Variants in B3GALT1 observed in about 807,000 individuals in gnomAD.
The protein encoded by B3GALT1 is UDP-Gal:betaGlcNAc beta 1,3-galactosyltransferase, polypeptide 1.
A neutral mutation model predicts 23.2 loss-of-function variants in B3GALT1; 10 were observed. That is an observed-to-expected ratio of 0.43 (90% CI 0.27 to 0.73). B3GALT1 has a LOEUF of 0.73. B3GALT1 is among the 30% of genes least tolerant of loss of function. The pLI is 0.21. For synonymous variants in B3GALT1, 156 were observed against 141.5 expected, an observed-to-expected ratio of 1.10 and a Z score of -0.73; for missense variants, 299 against 405.4, an observed-to-expected ratio of 0.74 and a Z score of 2.25.
At chr2:167,405,084 G>A (rs1017966438) in intron 1 of B3GALT1, among the ~76,000 whole-genome samples, 99 of 152,232 alleles carry the variant, frequency 6.5e-4, no homozygotes, top group African/African-American at 2.1e-3. Context: ...TTGAGTTACT[G>A]CCCTTAAGGA....
At chr2:167,659,938 T>G (rs1191259816) in intron 3 of B3GALT1, among the ~76,000 whole-genome samples, 1 of 152,076 alleles carries the variant, frequency 6.6e-6, no homozygotes, top group Non-Finnish European at 1.5e-5. Context: ...AACTGATTCG[T>G]ATTCAATTCA....
intron 3 of B3GALT1, chr2:167,814,673 G>A (rs1688957973): frequency 6.6e-6 from 1 of 152,328 alleles, no homozygotes; most frequent in South Asian, 2.1e-4. Flanking sequence ...TAGAAGAATT[G>A]CTTGGACGCG....
intron 3 of B3GALT1, among the ~76,000 whole-genome samples, chr2:167,722,750 G>C (rs191693016): frequency 6.6e-6 from 1 of 152,194 alleles, no homozygotes; most frequent in African/African-American, 2.4e-5. Context: ...GTTTAGAATT[G>C]GACAAAAATC....
chr2:167,771,361 G>A (rs1265559329), intron 3 of B3GALT1, among the ~76,000 whole-genome samples: 2 of 152,104 alleles, frequency 1.3e-5, no homozygotes, highest in African/African-American at 2.4e-5. Flanking sequence ...AGGCCGAGGC[G>A]GGCAGCTCAC....
At chr2:167,336,384 G>A (rs1256460083) in intron 1 of B3GALT1, among the ~76,000 whole-genome samples, 2 of 152,084 alleles carry the variant, frequency 1.3e-5, no homozygotes, top group East Asian at 3.9e-4. Flanking sequence ...TACTGTAATG[G>A]CCATCAACAA....
Position 167,720,110 on chromosome 2 carries a change from T to C in B3GALT1, c.-352+73144T>C, listed in dbSNP as rs144924309. ...ATTAAAATGTTATATATATATTTTT[T>C]ACATAATGGGCTTTCTCAGTAATGC... is the stretch of plus-strand genomic sequence containing the variant. On this transcript the variant is annotated intron_variant, in intron 3 of 4. Transcript: ENST00000392690. Among the ~76,000 whole-genome samples the C allele has an allele frequency of 4.3e-3, 653 of 152,294 alleles. 2 individuals carry two copies. Among genetic ancestry groups the C allele is most frequent in the African/African-American group, 0.015 (605 of 41,560 alleles).
intron 2 of B3GALT1, among the ~76,000 whole-genome samples, chr2:167,559,154 A>C (rs2105386757): frequency 6.6e-6 from 1 of 152,296 alleles, no homozygotes; most frequent in East Asian, 1.9e-4. Context: ...CGGTTCATGA[A>C]AATCCACTGT....
intron 4 of B3GALT1, among the ~76,000 whole-genome samples, chr2:167,860,089 A>C (rs1559005846): frequency 6.6e-6 from 1 of 152,194 alleles, no homozygotes; most frequent in Admixed American, 6.5e-5. Flanking sequence ...TTGGGTATCA[A>C]AATAACCATA....
intron 2 of B3GALT1, among the ~76,000 whole-genome samples, chr2:167,523,564 T>C (rs1683158777): frequency 6.6e-6 from 1 of 152,080 alleles, no homozygotes. Flanking sequence ...TAGCTGGGAT[T>C]ACAGGTGTGC....
chr2:167,343,559 G>A (rs1400503982), intron 1 of B3GALT1, among the ~76,000 whole-genome samples: 3 of 152,022 alleles, frequency 2.0e-5, no homozygotes, highest in Non-Finnish European at 2.9e-5. Flanking sequence ...TTATGATTAT[G>A]GGGAAAGAAA....
chr2:167,349,037 G>A (rs779447507), intron 1 of B3GALT1, among the ~76,000 whole-genome samples: 4 of 152,126 alleles, frequency 2.6e-5, no homozygotes, highest in African/African-American at 4.8e-5. Flanking sequence ...TTCAGTTCAG[G>A]ATAGTGTATT....
At chr2:167,692,004 G>T (rs1415367375) in intron 3 of B3GALT1, among the ~76,000 whole-genome samples, 1 of 152,100 alleles carries the variant, frequency 6.6e-6, no homozygotes, top group African/African-American at 2.4e-5. Flanking sequence ...GTACGTATTA[G>T]TTGGCCTTCC....
At chr2:167,449,375 G>A (rs1481312623) in intron 1 of B3GALT1, among the ~76,000 whole-genome samples, 1 of 152,058 alleles carries the variant, frequency 6.6e-6, no homozygotes, top group Non-Finnish European at 1.5e-5. Flanking sequence ...AAAAGGTGTT[G>A]AGTTCTTGAT....
intron 3 of B3GALT1, among the ~76,000 whole-genome samples, chr2:167,727,993 G>T (rs1247496900): frequency 6.6e-6 from 1 of 152,172 alleles, no homozygotes; most frequent in African/African-American, 2.4e-5. Context: ...TGAACCTTCT[G>T]CAATCTAGTC....
At chr2:167,339,263 A>G (rs1471166635) in intron 1 of B3GALT1, among the ~76,000 whole-genome samples, 1 of 152,186 alleles carries the variant, frequency 6.6e-6, no homozygotes, top group African/African-American at 2.4e-5. Context: ...TTAAATTTCA[A>G]AATAAGAATG....
rs1000401925 is a variant in B3GALT1 at position 167,466,443 on chromosome 2, C to A, written c.-510-23734C>A. On this transcript the variant is annotated intron_variant, in intron 1 of 4. Transcript: ENST00000392690. ...GACCAGCCTGGTCAACATGGTGAAACCCTGTCTCTACTAAAAATACAAAAA... is the reference window on the plus strand; with the variant it reads ...GACCAGCCTGGTCAACATGGTGAAAACCTGTCTCTACTAAAAATACAAAAA... Among the ~76,000 whole-genome samples, 25 of 151,540 alleles carry A rather than the reference C, an allele frequency of 1.6e-4. No individual in the cohort carries two copies. The East Asian group carries it at 3.8e-3, about 23-fold the overall frequency.
At chr2:167,590,123 G>T (rs1447805944) in intron 2 of B3GALT1, among the ~76,000 whole-genome samples, 1 of 152,054 alleles carries the variant, frequency 6.6e-6, no homozygotes, top group Non-Finnish European at 1.5e-5. Context: ...GAGGCGGGCG[G>T]ATCACGAGGT....
chr2:167,794,281 A>T (rs990142687), intron 3 of B3GALT1, among the ~76,000 whole-genome samples: 1 of 152,232 alleles, frequency 6.6e-6, no homozygotes, highest in Admixed American at 6.5e-5. Flanking sequence ...AGTGAGCCTA[A>T]TGAATGTATG....
intron 1 of B3GALT1, among the ~76,000 whole-genome samples, chr2:167,380,498 C>G (rs1203242090): frequency 1.3e-5 from 2 of 152,122 alleles, no homozygotes. Context: ...TGTGGAAGCC[C>G]CTATTCCACT....
Sources: gnomAD v4.1 joint callset for allele counts (sites outside exome capture counted in the v4.1 genomes callset) on GRCh38, gnomAD v4.1.1 for gene constraint, MANE v1.5 for transcripts, NCBI Gene and HGNC (gene_info 2026-07-23, HGNC 2026-07-21) for gene names.